Variants in SH3KBP1 observed in about 807,000 individuals in gnomAD.
SH3KBP1 encodes SH3 domain containing kinase binding protein 1, also known as SH3 domain-containing kinase-binding protein 1.
In SH3KBP1, 8 loss-of-function variants were observed where a neutral mutation model predicts 50.1. That is an observed-to-expected ratio of 0.16 (90% confidence interval 0.09 to 0.29). The LOEUF (loss-of-function observed/expected upper bound fraction) is 0.29. SH3KBP1 is among the 10% of genes least tolerant of loss of function. SH3KBP1 has a pLI of 1.00. For synonymous variants in SH3KBP1, 227 were observed against 218.6 expected (o/e 1.04, Z -0.34); for missense variants, 377 against 535.2 (o/e 0.70, Z 2.92).
chrX:19,643,395 T>A (rs1475755165), intron 7 of SH3KBP1, among the ~76,000 whole-genome samples: 1 of 98,519 alleles, frequency 1.0e-5, no homozygotes, highest in Admixed American at 1.1e-4. Flanking sequence ...CTTGGCTCAA[T>A]CACTGCTGCT....
At chrX:19,707,780 C>T (rs891628474) in intron 3 of SH3KBP1, among the ~76,000 whole-genome samples, 2 of 112,203 alleles carry the variant, frequency 1.8e-5, no homozygotes, top group Non-Finnish European at 3.8e-5. Flanking sequence ...AGCATATCCA[C>T]ACCACAGATG....
chrX:19,600,137 C>T (rs1359951904), intron 9 of SH3KBP1, among the ~76,000 whole-genome samples: 1 of 104,497 alleles, frequency 9.6e-6, no homozygotes, highest in African/African-American at 3.5e-5. Context: ...AGGCCCAGCA[C>T]TTTGGGAGAC....
intron 12 of SH3KBP1, among the ~76,000 whole-genome samples, chrX:19,572,376 TTA>T (rs778260146): frequency 2.1e-3 from 211 of 102,726 alleles, no homozygotes; most frequent in South Asian, 9.7e-3. Context: ...TACATATATG[TTA>T]TATATAGTAC....
At position 19,564,569 on chromosome X, in the gene SH3KBP1, T is replaced by TC. The variant is rs757322590; in HGVS notation, c.1384+4533dup. On this transcript the variant is annotated intron_variant, in intron 13 of 17. Coordinates refer to ENST00000397821, the MANE Select transcript of SH3KBP1 (RefSeq NM_031892.3). ...CTCTTCTCTCGCCTCTCTCTCTCTC[T>TC]CCCCCCCCTTCCTCTTTCTCTCTCA... is the stretch of plus-strand genomic sequence containing the variant. Among the ~76,000 whole-genome samples, 130 of 107,398 alleles carry TC rather than the reference T, an allele frequency of 1.2e-3. 1 individual carries two copies. The highest frequency in any genetic ancestry group is 5.7e-3 in the East Asian group (19 of 3,352). 93.3% of individuals were successfully genotyped at this position (107,398 alleles called of 115,157 possible).
At chrX:19,611,367 G>C (rs1219846611) in intron 8 of SH3KBP1, among the ~76,000 whole-genome samples, 1 of 110,592 alleles carries the variant, frequency 9.0e-6, no homozygotes, top group Non-Finnish European at 1.9e-5. Flanking sequence ...TTTTGCTTTT[G>C]TTTTGAGACG....
intron 1 of SH3KBP1, among the ~76,000 whole-genome samples, chrX:19,881,142 G>A (rs904041591): frequency 5.3e-5 from 6 of 112,167 alleles, no homozygotes; most frequent in African/African-American, 1.9e-4. Context: ...AGGGAAATAC[G>A]TGGGCAAAGT....
chrX:19,607,330 G>A (rs915566826), intron 9 of SH3KBP1, among the ~76,000 whole-genome samples: 20 of 112,438 alleles, frequency 1.8e-4, no homozygotes, highest in East Asian at 2.8e-4. Flanking sequence ...TTATTACATC[G>A]TCAGCAGGGA....
At chrX:19,554,516 C>T (rs1388711754) in intron 13 of SH3KBP1, among the ~76,000 whole-genome samples, 1 of 106,906 alleles carries the variant, frequency 9.4e-6, no homozygotes, top group Non-Finnish European at 1.9e-5. Context: ...ATTCTCCTGC[C>T]TCAGCCTCCC....
chrX:19,811,195 G>GA (rs773884909), intron 2 of SH3KBP1, among the ~76,000 whole-genome samples: 4 of 110,212 alleles, frequency 3.6e-5, no homozygotes, highest in Non-Finnish European at 5.7e-5. Context: ...GTGGAAGCAA[G>GA]AAAAAAACAA....
At chrX:19,865,146 T>C (rs1189594381) in intron 1 of SH3KBP1, among the ~76,000 whole-genome samples, 1 of 112,606 alleles carries the variant, frequency 8.9e-6, no homozygotes, top group Admixed American at 9.4e-5. Flanking sequence ...AAATGAGCAA[T>C]GGAAGTTAGG....
chrX:19,559,109 A>C (rs1442120988), intron 13 of SH3KBP1, among the ~76,000 whole-genome samples: 3 of 104,798 alleles, frequency 2.9e-5, no homozygotes, highest in African/African-American at 1.0e-4. Flanking sequence ...CTCTACTAAA[A>C]ATACAAAAAA....
intron 3 of SH3KBP1, among the ~76,000 whole-genome samples, chrX:19,737,273 C>A (rs1022805801): frequency 1.8e-5 from 2 of 111,082 alleles, no homozygotes; most frequent in African/African-American, 3.3e-5. Flanking sequence ...GGAAAGGAGG[C>A]TCCCACGTGG....
At chrX:19,771,345 C>T (rs1443004496) in intron 2 of SH3KBP1, among the ~76,000 whole-genome samples, 1 of 111,376 alleles carries the variant, frequency 9.0e-6, no homozygotes, top group Admixed American at 9.5e-5. Context: ...TCAAAGTTGG[C>T]TACTGAGTGT....
intron 6 of SH3KBP1, among the ~76,000 whole-genome samples, chrX:19,671,982 G>A (rs1443824001): frequency 9.0e-6 from 1 of 111,717 alleles, no homozygotes; most frequent in African/African-American, 3.3e-5. Context: ...AAAACCATTT[G>A]CTTACTATTT....
intron 2 of SH3KBP1, among the ~76,000 whole-genome samples, chrX:19,768,131 A>G (rs1056605014): frequency 9.1e-6 from 1 of 110,451 alleles, no homozygotes; most frequent in Admixed American, 9.7e-5. Flanking sequence ...TGAGAATTTT[A>G]CCCAGACACA....
intron 1 of SH3KBP1, among the ~76,000 whole-genome samples, chrX:19,873,218 T>C (rs1017111432): frequency 2.0e-5 from 2 of 100,437 alleles, no homozygotes; most frequent in African/African-American, 7.4e-5. Flanking sequence ...ACTCAAATAT[T>C]CAGCTACTAA....
intron 12 of SH3KBP1, among the ~76,000 whole-genome samples, chrX:19,586,653 G>A (rs1445435623): frequency 9.0e-6 from 1 of 111,144 alleles, no homozygotes; most frequent in Non-Finnish European, 1.9e-5. Context: ...AACTCAACAG[G>A]GGGTGTCACA....
At chrX:19,811,121 G>GAA (rs2067193005) in intron 2 of SH3KBP1, among the ~76,000 whole-genome samples, 2 of 111,326 alleles carry the variant, frequency 1.8e-5, no homozygotes, top group African/African-American at 6.5e-5. Context: ...TTTCAAGACC[G>GAA]GGGGAGAAAA....
chrX:19,701,975 C>T (rs906311431), intron 4 of SH3KBP1, among the ~76,000 whole-genome samples: 5 of 112,283 alleles, frequency 4.5e-5, no homozygotes, highest in African/African-American at 1.6e-4. Context: ...CTCTTCTAAA[C>T]ACGGCTTCCT....
Sources: allele counts gnomAD v4.1 joint callset (sites outside exome capture counted in the v4.1 genomes callset), GRCh38; gene constraint gnomAD v4.1.1; transcripts MANE v1.5; gene names NCBI Gene and HGNC (gene_info 2026-07-23, HGNC 2026-07-21).